ZHX2: variants seen among roughly 807,000 people sequenced by gnomAD.
The protein encoded by ZHX2 is zinc fingers and homeoboxes protein 2.
In ZHX2, 6 loss-of-function variants were observed where a neutral mutation model predicts 21.9. The observed-to-expected ratio is 0.27, with a 90% CI of 0.15 to 0.54. ZHX2 has a LOEUF of 0.54. Ranked by LOEUF, ZHX2 falls within the 20% of genes least tolerant of loss-of-function variation. The pLI is 0.95. For missense variants in ZHX2, 908 were observed against 1,090.7 expected (o/e 0.83, Z 2.36); for synonymous variants, 434 against 437.1 (o/e 0.99, Z 0.09).
At chr8:122,970,993 G>A (rs546679002) in intron 3 of ZHX2, among the ~76,000 whole-genome samples, 2 of 152,368 alleles carry the variant, frequency 1.3e-5, no homozygotes, top group African/African-American at 4.8e-5. Flanking sequence ...AGGAGGCTCT[G>A]AAGTTGGACT....
intron 1 of ZHX2, among the ~76,000 whole-genome samples, chr8:122,859,275 A>G (rs1819105999): frequency 6.6e-6 from 1 of 152,240 alleles, no homozygotes; most frequent in African/African-American, 2.4e-5. Context: ...TGATTAAGTG[A>G]GAGTCCCAGC....
intron 2 of ZHX2, among the ~76,000 whole-genome samples, chr8:122,892,623 G>A (rs886934246): frequency 6.6e-6 from 1 of 152,016 alleles, no homozygotes; most frequent in Non-Finnish European, 1.5e-5. Flanking sequence ...TTTCATCGTG[G>A]TAGTTAATCA....
chr8:122,876,783 G>T (rs1819584587), intron 2 of ZHX2, among the ~76,000 whole-genome samples: 1 of 152,234 alleles, frequency 6.6e-6, no homozygotes, highest in African/African-American at 2.4e-5. Context: ...GTAAGACTGA[G>T]TGTAGAGAGC....
chr8:122,947,062 C>T (rs1353635641), intron 2 of ZHX2, among the ~76,000 whole-genome samples: 1 of 137,354 alleles, frequency 7.3e-6, no homozygotes, highest in Non-Finnish European at 1.6e-5. Context: ...TCGAGACCAG[C>T]CTGGGCAACA....
At position 122,875,132 on chromosome 8, in the gene ZHX2, TATATATA is replaced by T. The variant is rs1819534667; in HGVS notation, c.-220+11594_-220+11600del. On this transcript the variant is annotated intron_variant, in intron 2 of 3. Coordinates refer to ENST00000314393, the MANE Select transcript of ZHX2 (RefSeq NM_014943.5). Reference sequence around the variant, plus strand: ...TTTTAGAGGAAGGAAAACTCTGTTATATATATATATATATATATATATATATATATAT... The same window carrying T: ...TTTTAGAGGAAGGAAAACTCTGTTATTATATATATATATATATATATATAT... Among the ~76,000 whole-genome samples the T allele has an allele frequency of 1.2e-3, 113 of 96,724 alleles. 19 individuals are homozygous for T. Among genetic ancestry groups the T allele is most frequent in the African/African-American group, 3.2e-3 (78 of 24,202 alleles). 63.5% of individuals were successfully genotyped at this position (96,724 alleles called of 152,430 possible). A position where few individuals can be genotyped will look rare whatever the true frequency, so the allele number is the denominator to read the frequency against.
At chr8:122,821,205 G>A (rs1442167339) in intron 1 of ZHX2, among the ~76,000 whole-genome samples, 1 of 152,162 alleles carries the variant, frequency 6.6e-6, no homozygotes, top group Non-Finnish European at 1.5e-5. Flanking sequence ...TGGATCTGCT[G>A]GCAACTCCTG....
chr8:122,820,892 G>A (rs969807320), intron 1 of ZHX2, among the ~76,000 whole-genome samples: 3 of 152,178 alleles, frequency 2.0e-5, no homozygotes, highest in Non-Finnish European at 2.9e-5. Flanking sequence ...ACACAGGCCC[G>A]TGCCTTGAGC....
At chr8:122,816,380 G>T (rs981265871) in intron 1 of ZHX2, 1 of 151,800 alleles carries the variant, frequency 6.6e-6, no homozygotes, top group Admixed American at 6.6e-5. Flanking sequence ...TATTGCAGTG[G>T]TCTGGAACTG....
At chr8:122,926,518 G>C (rs1820858105) in intron 2 of ZHX2, among the ~76,000 whole-genome samples, 1 of 152,218 alleles carries the variant, frequency 6.6e-6, no homozygotes, top group African/African-American at 2.4e-5. Context: ...AACGTGGGAA[G>C]ACCAGATAGT....
At chr8:122,830,173 C>T (rs556410491) in intron 1 of ZHX2, among the ~76,000 whole-genome samples, 5 of 152,268 alleles carry the variant, frequency 3.3e-5, no homozygotes, top group Admixed American at 6.5e-5. Context: ...CCTAAAATGG[C>T]GTCAGCACCA....
rs113672235 is a variant in ZHX2 at position 122,859,522 on chromosome 8, T to C, written c.-282-3955T>C. Among the ~76,000 whole-genome samples the C allele has an allele frequency of 4.3e-3, 659 of 152,128 alleles. 6 individuals carry two copies. Among genetic ancestry groups the C allele is most frequent in the South Asian group, 0.021 (101 of 4,798 alleles). On this transcript the variant is annotated intron_variant, in intron 1 of 3. Transcript: ENST00000314393. ...TTTGAGAGAGGGACTAGCGTGGCTA[T>C]GTGGCTGTGGAGCATGATGGGTTCA...
intron 1 of ZHX2, among the ~76,000 whole-genome samples, chr8:122,801,230 A>G (rs1425569165): frequency 6.6e-6 from 1 of 152,228 alleles, no homozygotes; most frequent in Non-Finnish European, 1.5e-5. Context: ...CATTATAAGT[A>G]TCTGTAATAA....
In ZHX2 at chr8:122,782,119, T is replaced by A. The variant is rs1216618357; in HGVS notation, c.-283+173T>A. 3.7e-5 allele frequency among the ~76,000 whole-genome samples: 1 copy of A among 27,252 alleles called. No homozygotes were observed. Among genetic ancestry groups the A allele is most frequent in the Non-Finnish European group, 9.5e-5 (1 of 10,560 alleles). The allele number at this position is 27,252 out of a possible 152,430, so 17.9% of individuals were successfully genotyped here. A position where few individuals can be genotyped will look rare whatever the true frequency, so the allele number is the denominator to read the frequency against. Reference sequence around the variant, plus strand: ...GCCGGGTTTGTGATTGGAAGGGGGGTACGGAAGGGGGGGGGTGTGCAGGCT... The same window carrying A: ...GCCGGGTTTGTGATTGGAAGGGGGGAACGGAAGGGGGGGGGTGTGCAGGCT... On this transcript the variant is annotated intron_variant, in intron 1 of 3. Coordinates refer to ENST00000314393, the MANE Select transcript of ZHX2 (RefSeq NM_014943.5). This position sits in a 1 kb window ranked among gnomAD's most constrained non-coding sequence, Gnocchi z 5.3.
At chr8:122,818,151 G>A (rs1005206910) in intron 1 of ZHX2, among the ~76,000 whole-genome samples, 1 of 152,170 alleles carries the variant, frequency 6.6e-6, no homozygotes, top group African/African-American at 2.4e-5. Flanking sequence ...TGAGCACTCT[G>A]TAAGCGTCAA....
At position 122,798,299 on chromosome 8, in the gene ZHX2, A is replaced by C. The variant is rs796311959; in HGVS notation, c.-283+16353A>C. On this transcript the variant is annotated intron_variant, in intron 1 of 3. Transcript: ENST00000314393. Reference sequence around the variant, plus strand: ...CTACTATGTGTCAGGCACCATGCTGATCAGGAGGGACCCTACAGTGCTGAG... The same window carrying C: ...CTACTATGTGTCAGGCACCATGCTGCTCAGGAGGGACCCTACAGTGCTGAG... Among the ~76,000 whole-genome samples, 5 of 152,314 alleles carry C rather than the reference A, an allele frequency of 3.3e-5. 1 individual carries two copies. The highest frequency in any genetic ancestry group is 1.2e-4 in the African/African-American group (5 of 41,572).
intron 2 of ZHX2, among the ~76,000 whole-genome samples, chr8:122,885,979 G>C (rs1309659648): frequency 6.6e-6 from 1 of 152,116 alleles, no homozygotes; most frequent in Non-Finnish European, 1.5e-5. Context: ...ATATGGGTCA[G>C]GGTGTTTGAA....
At chr8:122,962,087 G>T (rs1813466323) in intron 3 of ZHX2, among the ~76,000 whole-genome samples, 1 of 152,112 alleles carries the variant, frequency 6.6e-6, no homozygotes, top group Non-Finnish European at 1.5e-5. Flanking sequence ...GCCTGCTCAG[G>T]CACTGTGCAT....
At chr8:122,919,024 C>G (rs1242440298) in intron 2 of ZHX2, among the ~76,000 whole-genome samples, 1 of 152,052 alleles carries the variant, frequency 6.6e-6, no homozygotes, top group African/African-American at 2.4e-5. Flanking sequence ...AAACTGTTCT[C>G]CCACCTGGAA....
chr8:122,817,479 C>G (rs556029285), intron 1 of ZHX2, among the ~76,000 whole-genome samples: 1 of 152,336 alleles, frequency 6.6e-6, no homozygotes, highest in African/African-American at 2.4e-5. Context: ...TTGCCCAACC[C>G]CAGGCCCACA....
Sources: allele counts gnomAD v4.1 joint callset (sites outside exome capture counted in the v4.1 genomes callset), GRCh38; gene constraint gnomAD v4.1.1; non-coding constraint Gnocchi (gnomAD v3.1); transcripts MANE v1.5; gene names NCBI Gene and HGNC (gene_info 2026-07-23, HGNC 2026-07-21).